The following LRFN2 variants were observed in gnomAD, a reference collection of about 807,000 sequenced individuals.
LRFN2 encodes leucine rich repeat and fibronectin type III domain containing 2, also known as leucine-rich repeat and fibronectin type-III domain-containing protein 2.
LRFN2 carries 18 observed loss-of-function variants against 37.3 expected under a neutral mutation model. The ratio of observed to expected loss-of-function variants is 0.48; its 90% CI spans 0.33 to 0.72. LRFN2 has a LOEUF of 0.72. LRFN2 is among the 30% of genes least tolerant of loss of function. The probability of loss-of-function intolerance (pLI) is 0.02; values close to 1 mark genes in which losing one functional copy is unlikely to be tolerated. For missense variants in LRFN2, 1,006 were observed against 1,060.7 expected, an observed-to-expected ratio of 0.95 and a Z score of 0.72; for synonymous variants, 556 against 466.6, an observed-to-expected ratio of 1.19 and a Z score of -2.47.
intron 1 of LRFN2, among the ~76,000 whole-genome samples, chr6:40,481,507 G>A (rs1764832351): frequency 6.6e-6 from 1 of 151,794 alleles, no homozygotes; most frequent in Non-Finnish European, 1.5e-5. Context: ...GCAGTCCCTG[G>A]TTCAGAATTT....
intron 2 of LRFN2, among the ~76,000 whole-genome samples, chr6:40,399,912 T>C (rs1439199678): frequency 6.6e-6 from 1 of 151,872 alleles, no homozygotes. Context: ...CTTGGCTGTA[T>C]CTAGTGAAAC....
chr6:40,560,960 A>G (rs898842584), intron 1 of LRFN2, among the ~76,000 whole-genome samples: 7 of 152,216 alleles, frequency 4.6e-5, no homozygotes, highest in Non-Finnish European at 1.0e-4. Context: ...CCTGTCTGTA[A>G]TTTGATTCAG....
At chr6:40,527,319 C>T (rs998345494) in intron 1 of LRFN2, among the ~76,000 whole-genome samples, 2 of 152,184 alleles carry the variant, frequency 1.3e-5, no homozygotes. Flanking sequence ...AGGGACAAGG[C>T]AAGGACTAAT....
At chr6:40,580,870 A>C (rs1364276364) in intron 1 of LRFN2, among the ~76,000 whole-genome samples, 1 of 152,166 alleles carries the variant, frequency 6.6e-6, no homozygotes. Flanking sequence ...TACAAGTGTG[A>C]GTATTTGGGA....
rs80194974 is a variant in LRFN2, at chr6:40,427,080, T to A, written c.1400+4634A>T. On this transcript the variant is annotated intron_variant, in intron 2 of 2. Transcript: ENST00000338305. The stretch of plus-strand genomic sequence containing the variant: ...TTTTCCTTACCTTGAACTTGTGCAA[T>A]TGCAATTGATTCCTTGAACCAAAGT... 3.3e-5 allele frequency among the ~76,000 whole-genome samples: 5 copies of A among 152,336 alleles called. No homozygotes were observed. In the East Asian group the frequency reaches 9.6e-4, roughly 29 times the overall value.
chr6:40,391,820 A>T lies in LRFN2; in HGVS notation c.*123T>A. 9.6e-7 allele frequency: 1 copy of T among 1,044,934 alleles called. No homozygotes were observed. Among genetic ancestry groups the T allele is most frequent in the Non-Finnish European group, 1.3e-6 (1 of 754,846 alleles). 64.7% of individuals were successfully genotyped at this position (1,044,934 alleles called of 1,614,324 possible). A position where few individuals can be genotyped will look rare whatever the true frequency, so the allele number is the denominator to read the frequency against. Reference sequence around the variant, plus strand: ...GGTAGGGGGGGACACGAGGCCATTGACAGGGAGACGAAACTGTCCCTGGAT... The same window carrying T: ...GGTAGGGGGGGACACGAGGCCATTGTCAGGGAGACGAAACTGTCCCTGGAT... On this transcript the variant is annotated 3_prime_UTR_variant, in exon 3 of 3. Coordinates refer to ENST00000338305, the MANE Select transcript of LRFN2 (RefSeq NM_020737.3).
At chr6:40,454,228 C>T (rs1004651223) in intron 1 of LRFN2, among the ~76,000 whole-genome samples, 1 of 152,124 alleles carries the variant, frequency 6.6e-6, no homozygotes, top group African/African-American at 2.4e-5. Flanking sequence ...AGGCTGTAGG[C>T]AAACAAACAC....
chr6:40,556,232 C>G (rs374337), intron 1 of LRFN2, among the ~76,000 whole-genome samples: 86,535 of 152,042 alleles, frequency 0.57, 25,315 homozygotes, highest in African/African-American at 0.69. Context: ...CCTCCTACAC[C>G]TTGGCCCAGA....
At chr6:40,539,934 A>T (rs1268349695) in intron 1 of LRFN2, among the ~76,000 whole-genome samples, 1 of 151,812 alleles carries the variant, frequency 6.6e-6, no homozygotes, top group East Asian at 1.9e-4. Context: ...CTCTTCCATC[A>T]CCTCTCCAGG....
intron 1 of LRFN2, among the ~76,000 whole-genome samples, chr6:40,462,951 G>C (rs1243657697): frequency 6.6e-6 from 1 of 152,188 alleles, no homozygotes; most frequent in African/African-American, 2.4e-5. Flanking sequence ...TAGCCATGTG[G>C]CCAAGTTCTG....
At chr6:40,490,705 A>G (rs1460741264) in intron 1 of LRFN2, among the ~76,000 whole-genome samples, 1 of 152,198 alleles carries the variant, frequency 6.6e-6, no homozygotes, top group Non-Finnish European at 1.5e-5. Flanking sequence ...CATAGCACCC[A>G]TTAGCCCTGT....
At chr6:40,442,461 GTTGTA>G (rs973356077) in intron 1 of LRFN2, among the ~76,000 whole-genome samples, 41 of 152,292 alleles carry the variant, frequency 2.7e-4, no homozygotes, top group Admixed American at 1.6e-3. Flanking sequence ...GCAGGTAGGG[GTTGTA>G]TTTCCTTCAG....
At chr6:40,460,364 C>T (rs190465243) in intron 1 of LRFN2, among the ~76,000 whole-genome samples, 6 of 152,264 alleles carry the variant, frequency 3.9e-5, no homozygotes, top group Admixed American at 2.0e-4. Context: ...TTCCCAGACC[C>T]GGATTTGCAT....
Position 40,431,827 on chromosome 6 carries a change from A to G in LRFN2, c.1287T>C (p.Ser429=), listed in dbSNP as rs745356098. The change falls in exon 2 of 3, where the codon TCT becomes TCC. Residue 429 remains serine, a synonymous_variant. Coordinates refer to ENST00000338305, the MANE Select transcript of LRFN2 (RefSeq NM_020737.3). ...KSPPERAVLV[S]EVTTTSALVK... is the part of the protein sequence containing the mutation. ...CCAGGGCCGAGGTGGTGGTCACTTC[A>G]GACACAAGCACAGCCCGTTCCGGGG... The G allele has an allele frequency of 1.3e-6, 2 of 1,568,250 alleles. No homozygotes were observed. Among genetic ancestry groups the G allele is most frequent in the South Asian group, 2.4e-5 (2 of 82,178 alleles).
intron 1 of LRFN2, among the ~76,000 whole-genome samples, chr6:40,547,249 T>C (rs148504721): frequency 0.032 from 4,825 of 152,012 alleles, 100 homozygotes; most frequent in Admixed American, 0.041. Context: ...GGACTACAGG[T>C]GCATGCCACC....
intron 1 of LRFN2, among the ~76,000 whole-genome samples, chr6:40,525,166 G>A (rs528377821): frequency 4.6e-5 from 7 of 152,226 alleles, no homozygotes; most frequent in African/African-American, 1.7e-4. Flanking sequence ...CCCCCTCTGG[G>A]GCCATGCTGG....
At chr6:40,477,213 T>A (rs1405288651) in intron 1 of LRFN2, among the ~76,000 whole-genome samples, 1 of 152,066 alleles carries the variant, frequency 6.6e-6, no homozygotes, top group African/African-American at 2.4e-5. Context: ...ATCAGAGGGG[T>A]GGAAGTAACT....
chr6:40,528,956 C>T (rs570533086), intron 1 of LRFN2, among the ~76,000 whole-genome samples: 54 of 152,256 alleles, frequency 3.5e-4, no homozygotes, highest in Non-Finnish European at 5.6e-4. Flanking sequence ...TTTATTTACA[C>T]GTTTGGGGAA....
rs1200076120 is a variant in LRFN2 at position 40,444,192 on chromosome 6, CCTT to C, written c.-18-11064_-18-11062del. On this transcript the variant is annotated intron_variant, in intron 1 of 2. Transcript: ENST00000338305. The stretch of plus-strand genomic sequence containing the variant: ...ATGAAAAATAGCACAGACAGGTAGT[CCTT>C]CTCTCTTTTCAGCTTTCTCAATGAG... Among the ~76,000 whole-genome samples, 19 of 152,238 alleles carry C rather than the reference CCTT, an allele frequency of 1.2e-4. No homozygotes were observed. In the East Asian group the frequency reaches 3.5e-3, roughly 28 times the overall value.
Sources: gnomAD v4.1 joint callset for allele counts (sites outside exome capture counted in the v4.1 genomes callset) on GRCh38, gnomAD v4.1.1 for gene constraint, MANE v1.5 for transcripts, NCBI Gene and HGNC (gene_info 2026-07-23, HGNC 2026-07-21) for gene names.